Variants in ANO3 observed in about 807,000 individuals in gnomAD.
ANO3 encodes anoctamin-3.
ANO3 carries 99 observed loss-of-function variants against 144.8 expected under a neutral mutation model. That is an observed-to-expected ratio of 0.68 (90% confidence interval 0.58 to 0.81). ANO3 has a LOEUF of 0.81. Ranked by LOEUF, ANO3 falls within the 30% of genes least tolerant of loss-of-function variation. The pLI, the probability that ANO3 is intolerant of heterozygous loss-of-function variation, is 0.00. For missense variants in ANO3, 905 were observed against 1,202.2 expected (o/e 0.75, Z 3.66); for synonymous variants, 414 against 392.6 (o/e 1.05, Z -0.64).
chr11:26,227,854 C>T (rs1852288091), intron 1 of ANO3, among the ~76,000 whole-genome samples: 2 of 152,056 alleles, frequency 1.3e-5, no homozygotes, highest in Non-Finnish European at 2.9e-5. Context: ...ACACTTTTAA[C>T]ATAATTTAAA....
intron 14 of ANO3, among the ~76,000 whole-genome samples, chr11:26,585,283 A>G (rs1473204140): frequency 6.6e-6 from 1 of 152,026 alleles, no homozygotes; most frequent in Non-Finnish European, 1.5e-5. Context: ...GAGATATATC[A>G]TATATATATA....
At chr11:26,228,902 G>T (rs768701148) in intron 1 of ANO3, among the ~76,000 whole-genome samples, 6 of 152,084 alleles carry the variant, frequency 3.9e-5, no homozygotes, top group Non-Finnish European at 7.4e-5. Context: ...TGTCAAACTT[G>T]GTTGGTTGTA....
chr11:26,445,038 C>A (rs1175786680), intron 3 of ANO3, among the ~76,000 whole-genome samples: 1 of 151,970 alleles, frequency 6.6e-6, no homozygotes, highest in African/African-American at 2.4e-5. Flanking sequence ...TTCTTGAGAC[C>A]AGAAGTATTT....
intron 1 of ANO3, among the ~76,000 whole-genome samples, chr11:26,194,442 G>GTGTGTGTGTGTGTA (rs548771856): frequency 0.24 from 12,136 of 51,110 alleles, 934 homozygotes; most frequent in Admixed American, 0.36. Flanking sequence ...ACATAGTGGT[G>GTGTGTGTGTGTGTA]TGTGTGTGTG....
At chr11:26,275,112 A>T (rs1853529106) in intron 1 of ANO3, among the ~76,000 whole-genome samples, 1 of 152,078 alleles carries the variant, frequency 6.6e-6, no homozygotes, top group South Asian at 2.1e-4. Flanking sequence ...TCATGCTGCT[A>T]TAAAGCTTTT....
intron 1 of ANO3, among the ~76,000 whole-genome samples, chr11:26,257,211 A>G (rs1478186060): frequency 6.6e-6 from 1 of 152,028 alleles, no homozygotes; most frequent in Non-Finnish European, 1.5e-5. Flanking sequence ...TACATACAGA[A>G]GCATACACAC....
In ANO3 at chr11:26,346,956, T is replaced by G. The variant is rs185414932; in HGVS notation, c.46+14635T>G. On this transcript the variant is annotated intron_variant, in intron 1 of 26. Coordinates refer to ENST00000256737, the MANE Select transcript of ANO3 (RefSeq NM_031418.4). ...CAGTTTTATACACAGCCATTGCCATTCTTATCTTTGGAATAAACTCCTGGG... is the reference window on the plus strand; with the variant it reads ...CAGTTTTATACACAGCCATTGCCATGCTTATCTTTGGAATAAACTCCTGGG... Among the ~76,000 whole-genome samples the G allele has an allele frequency of 6.6e-5, 10 of 152,340 alleles. No homozygotes were observed. In the East Asian group the frequency reaches 1.9e-3, roughly 29 times the overall value.
intron 14 of ANO3, among the ~76,000 whole-genome samples, chr11:26,589,090 G>T (rs896387892): frequency 3.3e-5 from 5 of 152,162 alleles, no homozygotes; most frequent in African/African-American, 9.7e-5. Context: ...ACAAAAACCA[G>T]CCTGAGGAAT....
At chr11:26,469,469 T>C (rs1234768135) in intron 4 of ANO3, among the ~76,000 whole-genome samples, 1 of 151,938 alleles carries the variant, frequency 6.6e-6, no homozygotes, top group Non-Finnish European at 1.5e-5. Context: ...AGTTAAAATA[T>C]TCTTAGACGA....
chr11:26,286,087 G>T (rs1426609978), intron 1 of ANO3: 1 of 152,156 alleles, frequency 6.6e-6, no homozygotes, highest in Admixed American at 6.5e-5. Flanking sequence ...ACAGATGGCC[G>T]TTAGCTCAAT....
At chr11:26,285,478 C>T (rs571700542) in intron 1 of ANO3, among the ~76,000 whole-genome samples, 2 of 152,010 alleles carry the variant, frequency 1.3e-5, no homozygotes, top group East Asian at 3.9e-4. Flanking sequence ...TAAAGATTAC[C>T]TTATAAACAT....
At chr11:26,560,868 A>T (rs1850260240) in intron 14 of ANO3, 3 of 490,408 alleles carry the variant, frequency 6.1e-6, no homozygotes, top group Non-Finnish European at 7.0e-6. Flanking sequence ...ATGCCTCAGG[A>T]TGGCCAAAAA....
intron 14 of ANO3, among the ~76,000 whole-genome samples, chr11:26,595,441 T>A: frequency 6.8e-6 from 1 of 146,334 alleles, no homozygotes; most frequent in Non-Finnish European, 1.5e-5. Context: ...AACTTTTGAC[T>A]CAGTATTGAG....
intron 14 of ANO3, among the ~76,000 whole-genome samples, chr11:26,585,817 G>A (rs1259088330): frequency 1.3e-5 from 2 of 152,062 alleles, no homozygotes; most frequent in South Asian, 2.1e-4. Context: ...TAAACTGAAG[G>A]TTAATAACAA....
chr11:26,521,881 A>G (rs1016178086), intron 6 of ANO3, among the ~76,000 whole-genome samples: 2 of 152,200 alleles, frequency 1.3e-5, no homozygotes, highest in Non-Finnish European at 1.5e-5. Context: ...ATTTGGGGCT[A>G]TATTTGTAAA....
At chr11:26,609,755 A>G (rs1026070589) in intron 17 of ANO3, among the ~76,000 whole-genome samples, 11 of 152,180 alleles carry the variant, frequency 7.2e-5, no homozygotes, top group African/African-American at 2.4e-4. Context: ...ATATATACCC[A>G]GTAGTGAGAT....
intron 1 of ANO3, among the ~76,000 whole-genome samples, chr11:26,370,390 C>A (rs939642683): frequency 5.3e-5 from 8 of 152,162 alleles, no homozygotes; most frequent in African/African-American, 1.9e-4. Context: ...AACCTCTTTT[C>A]TTTACAAATC....
chr11:26,283,762 A>C (rs998903294), intron 1 of ANO3, among the ~76,000 whole-genome samples: 2 of 152,166 alleles, frequency 1.3e-5, no homozygotes, highest in Admixed American at 6.5e-5. Context: ...TTGATGCCTT[A>C]AATTCTAATG....
chr11:26,304,809 C>G (rs1244435815), upstream of ANO3, among the ~76,000 whole-genome samples: 11 of 151,920 alleles, frequency 7.2e-5, no homozygotes, highest in Non-Finnish European at 1.6e-4. Context: ...TGCATGTATA[C>G]CGAAAAGAGA....
Sources: gnomAD v4.1 joint callset for allele counts (sites outside exome capture counted in the v4.1 genomes callset) on GRCh38, gnomAD v4.1.1 for gene constraint, MANE v1.5 for transcripts, NCBI Gene and HGNC (gene_info 2026-07-23, HGNC 2026-07-21) for gene names.